The following CSNK1G2 variants were observed in gnomAD, a reference collection of about 807,000 sequenced individuals.
CSNK1G2 encodes casein kinase I isoform gamma-2.
Under a neutral mutation model 48.0 loss-of-function variants are expected in CSNK1G2, and 11 were observed. That is an observed-to-expected ratio of 0.23 (90% CI 0.14 to 0.38). The LOEUF (loss-of-function observed/expected upper bound fraction) is 0.38, where lower values mean the gene tolerates loss of function less well. CSNK1G2 is among the 10% of genes least tolerant of loss of function. The probability of loss-of-function intolerance (pLI) is 1.00; values close to 1 mark genes in which losing one functional copy is unlikely to be tolerated. For synonymous variants in CSNK1G2, 337 were observed against 254.1 expected (o/e 1.33, Z -3.10); for missense variants, 446 against 595.5 (o/e 0.75, Z 2.61).
intron 1 of CSNK1G2, among the ~76,000 whole-genome samples, chr19:1,945,169 C>A (rs1416932709): frequency 6.6e-6 from 1 of 152,210 alleles, no homozygotes; most frequent in Non-Finnish European, 1.5e-5. Flanking sequence ...GGGCCCTGCA[C>A]CAGCCTGTGC....
chr19:1,949,031 G>C (rs891138659), intron 1 of CSNK1G2, among the ~76,000 whole-genome samples: 3 of 152,204 alleles, frequency 2.0e-5, no homozygotes, highest in African/African-American at 7.2e-5. Context: ...GGTGGGTCTC[G>C]CTGTCTCGGG....
chr19:1,942,046 G>A (rs1056883298), intron 1 of CSNK1G2, among the ~76,000 whole-genome samples: 36 of 152,114 alleles, frequency 2.4e-4, no homozygotes, highest in African/African-American at 8.5e-4. Flanking sequence ...GCTCTTGAGG[G>A]GGAGAGCAGG....
chr19:1,950,636 C>G (rs1213523937), intron 1 of CSNK1G2, among the ~76,000 whole-genome samples: 5 of 146,180 alleles, frequency 3.4e-5, no homozygotes, highest in South Asian at 2.2e-4. Context: ...AGGCCTCCTT[C>G]CATGTTGGGA....
intron 2 of CSNK1G2, among the ~76,000 whole-genome samples, chr19:1,974,397 C>T (rs1015865081): frequency 2.6e-5 from 4 of 152,184 alleles, no homozygotes; most frequent in Admixed American, 1.3e-4. Flanking sequence ...CACTCATCCA[C>T]GAGGGCAGCG....
intron 1 of CSNK1G2, among the ~76,000 whole-genome samples, chr19:1,946,866 C>T (rs540561318): frequency 1.3e-5 from 2 of 152,058 alleles, no homozygotes; most frequent in Non-Finnish European, 2.9e-5. Context: ...CCGCCTCGGC[C>T]TCTCAAAGTG....
chr19:1,963,247 T>A (rs772145777), intron 1 of CSNK1G2, among the ~76,000 whole-genome samples: 1 of 152,136 alleles, frequency 6.6e-6, no homozygotes, highest in Non-Finnish European at 1.5e-5. Context: ...TCTTTTTGTT[T>A]GTTTTTGTTT....
intron 1 of CSNK1G2, among the ~76,000 whole-genome samples, chr19:1,946,328 G>C (rs907934381): frequency 7.7e-6 from 1 of 130,214 alleles, no homozygotes; most frequent in African/African-American, 2.5e-5. Context: ...GTCTTGCACT[G>C]TTGCCCAGGC....
intron 1 of CSNK1G2, among the ~76,000 whole-genome samples, chr19:1,963,891 A>G (rs1269886177): frequency 2.8e-5 from 4 of 143,696 alleles, no homozygotes; most frequent in Non-Finnish European, 4.5e-5. Context: ...ATCTTGGCTC[A>G]CTGCAACCTC....
At chr19:1,955,274 C>T (rs62129475) in intron 1 of CSNK1G2, among the ~76,000 whole-genome samples, 6 of 151,444 alleles carry the variant, frequency 4.0e-5, no homozygotes, top group Non-Finnish European at 7.4e-5. Context: ...AGGGTGGCGG[C>T]CCTGCCTGTC....
chr19:1,965,226 A>G (rs1599311430), intron 1 of CSNK1G2, among the ~76,000 whole-genome samples: 1 of 150,338 alleles, frequency 6.7e-6, no homozygotes, highest in Non-Finnish European at 1.5e-5. Flanking sequence ...TACTAAAAAT[A>G]CAAAAAATTA....
chr19:1,943,845 G>T (rs2014456088), intron 1 of CSNK1G2, among the ~76,000 whole-genome samples: 1 of 152,208 alleles, frequency 6.6e-6, no homozygotes, highest in Non-Finnish European at 1.5e-5. Flanking sequence ...GGCCCCCAGG[G>T]GCTCATGGTC....
At chr19:1,946,266 G>GTTTATTTATTTA (rs1265813553) in intron 1 of CSNK1G2, among the ~76,000 whole-genome samples, 1 of 147,688 alleles carries the variant, frequency 6.8e-6, no homozygotes, top group African/African-American at 2.6e-5. Flanking sequence ...CTATTTATTC[G>GTTTATTTATTTA]TTTATTTATT....
chr19:1,953,002 G>A (rs759408893), intron 1 of CSNK1G2: 15 of 421,136 alleles, frequency 3.6e-5, no homozygotes, highest in African/African-American at 1.3e-4. Flanking sequence ...GTGGCAGAGC[G>A]AGACTCCGTC....
chr19:1,947,552 C>T (rs898539699), intron 1 of CSNK1G2, among the ~76,000 whole-genome samples: 6 of 152,198 alleles, frequency 3.9e-5, no homozygotes, highest in African/African-American at 9.6e-5. Flanking sequence ...CTGAGGGCAG[C>T]GCACGGGACC....
intron 2 of CSNK1G2, among the ~76,000 whole-genome samples, chr19:1,973,831 T>C (rs2015659554): frequency 2.6e-5 from 4 of 152,202 alleles, no homozygotes; most frequent in Admixed American, 2.6e-4. Flanking sequence ...TGCTGTTTCT[T>C]AGTCCATTTT....
At chr19:1,952,354 G>T (rs1294105754) in intron 1 of CSNK1G2, among the ~76,000 whole-genome samples, 4 of 151,254 alleles carry the variant, frequency 2.6e-5, no homozygotes, top group South Asian at 2.1e-4. Context: ...ACAGAGTCTT[G>T]CTCTGTCGCT....
At chr19:1,972,775 A>C (rs2145580741) in intron 2 of CSNK1G2, among the ~76,000 whole-genome samples, 1 of 152,156 alleles carries the variant, frequency 6.6e-6, no homozygotes, top group South Asian at 2.1e-4. Flanking sequence ...GGCGTGAGCC[A>C]CCATGCCTGG....
At chr19:1,979,866 G>C in intron 10 of CSNK1G2, 31 bp downstream of exon 10, 4 of 1,603,508 alleles carry the variant, frequency 2.5e-6, no homozygotes, top group Non-Finnish European at 3.4e-6. Context: ...ACCGCCCCAG[G>C]GAGGGGCATG....
rs145533149 is a variant in CSNK1G2, at chr19:1,974,127, C to T, written c.187+4168C>T. On this transcript the variant is annotated intron_variant, in intron 2 of 11. Coordinates refer to ENST00000255641, the MANE Select transcript of CSNK1G2 (RefSeq NM_001319.7). ...TAGGCTGGTCTCAAACTCCTGACCT[C>T]GTGATCTACCTGCCTCAGCCTCCCA... Among the ~76,000 whole-genome samples, 33 of 152,144 alleles carry T rather than the reference C, an allele frequency of 2.2e-4. No homozygotes were observed. In the East Asian group the frequency reaches 5.0e-3, roughly 23 times the overall value.
Sources: allele counts gnomAD v4.1 joint callset (sites outside exome capture counted in the v4.1 genomes callset), GRCh38; gene constraint gnomAD v4.1.1; transcripts MANE v1.5; gene names NCBI Gene and HGNC (gene_info 2026-07-23, HGNC 2026-07-21).